CSGALNACT1: variants seen among roughly 807,000 people sequenced by gnomAD.
CSGALNACT1 encodes the protein chondroitin sulfate N-acetylgalactosaminyltransferase 1.
A neutral mutation model predicts 51.0 loss-of-function variants in CSGALNACT1; 52 were observed. The observed-to-expected ratio is 1.02, with a 90% CI of 0.82 to 1.29. The LOEUF (loss-of-function observed/expected upper bound fraction) is 1.29. CSGALNACT1 is among the 50% of genes most tolerant of loss of function. The probability of loss-of-function intolerance (pLI) is 0.00; values close to 1 mark genes in which losing one functional copy is unlikely to be tolerated. For synonymous variants in CSGALNACT1, 341 were observed against 254.4 expected (o/e 1.34, Z -3.24); for missense variants, 935 against 679.2 (o/e 1.38, Z -4.19).
In CSGALNACT1 at chr8:19,515,036, G is replaced by T. The variant is rs117414731; in HGVS notation, c.-296-8906C>A. 4.1e-4 allele frequency among the ~76,000 whole-genome samples: 63 copies of T among 152,184 alleles called. 1 individual carries two copies. The East Asian group carries it at 0.011, about 27-fold the overall frequency. On this transcript the variant is annotated intron_variant, in intron 3 of 9. Transcript: ENST00000454498. ...TGCATTACAAGTGTCCTTGGGGCAG[G>T]GCTCTTGCCACAACTGATTCCAGGT... is the stretch of plus-strand genomic sequence containing the variant.
chr8:19,541,893 ATCATGTCAAATATTGCTCC>A (rs1400903661), intron 3 of CSGALNACT1, among the ~76,000 whole-genome samples: 1 of 152,174 alleles, frequency 6.6e-6, no homozygotes, highest in Non-Finnish European at 1.5e-5. Context: ...TCCCTGTAGG[ATCATGTCAAATATTGCTCC>A]TGGCAGTTCT....
intron 4 of CSGALNACT1, among the ~76,000 whole-genome samples, chr8:19,483,476 C>T (rs2072009498): frequency 6.6e-6 from 1 of 152,210 alleles, no homozygotes; most frequent in Non-Finnish European, 1.5e-5. Context: ...GCTCTGCATA[C>T]CACCACTATT....
At chr8:19,423,854 A>T (rs1420381317) in intron 6 of CSGALNACT1, among the ~76,000 whole-genome samples, 1 of 152,188 alleles carries the variant, frequency 6.6e-6, no homozygotes, top group East Asian at 1.9e-4. Flanking sequence ...CTGAATATGC[A>T]TTTTGAATTC....
At chr8:19,500,002 T>A (rs930482898) in intron 4 of CSGALNACT1, among the ~76,000 whole-genome samples, 1 of 152,134 alleles carries the variant, frequency 6.6e-6, no homozygotes, top group Non-Finnish European at 1.5e-5. Flanking sequence ...TGCTTTTAAG[T>A]CTCTTATCTC....
At chr8:19,599,472 A>AAGAAAG (rs1554751245) in intron 2 of CSGALNACT1, among the ~76,000 whole-genome samples, 7 of 113,804 alleles carry the variant, frequency 6.2e-5, no homozygotes, top group African/African-American at 2.5e-4. Flanking sequence ...GAAAGAAAGA[A>AAGAAAG]AAAGAAAGAA....
At chr8:19,510,384 C>A (rs1156535331) in intron 3 of CSGALNACT1, among the ~76,000 whole-genome samples, 1 of 152,180 alleles carries the variant, frequency 6.6e-6, no homozygotes, top group Non-Finnish European at 1.5e-5. Context: ...GAAACAACCT[C>A]CAAATAACAC....
At chr8:19,502,662 A>C (rs1393380399) in intron 4 of CSGALNACT1, among the ~76,000 whole-genome samples, 1 of 152,182 alleles carries the variant, frequency 6.6e-6, no homozygotes, top group East Asian at 1.9e-4. Flanking sequence ...CCAAAACCTC[A>C]AATCACTCTA....
chr8:19,500,866 T>C (rs1473107025), intron 4 of CSGALNACT1, among the ~76,000 whole-genome samples: 3 of 152,072 alleles, frequency 2.0e-5, no homozygotes, highest in African/African-American at 7.2e-5. Flanking sequence ...GGCCGGGAAG[T>C]CCAAGATCAA....
intron 1 of CSGALNACT1, among the ~76,000 whole-genome samples, chr8:19,623,241 T>C (rs1261766261): frequency 2.0e-5 from 3 of 152,152 alleles, no homozygotes; most frequent in African/African-American, 7.2e-5. Context: ...ATGCATATAA[T>C]AACATGTCCT....
intron 1 of CSGALNACT1, among the ~76,000 whole-genome samples, chr8:19,693,590 C>A (rs2061439331): frequency 6.6e-6 from 1 of 152,176 alleles, no homozygotes; most frequent in Non-Finnish European, 1.5e-5. Context: ...CCAACTGACT[C>A]AGCTCCCTAT....
At chr8:19,747,805 G>A (rs1024789692) in intron 1 of CSGALNACT1, among the ~76,000 whole-genome samples, 2 of 149,746 alleles carry the variant, frequency 1.3e-5, no homozygotes, top group Non-Finnish European at 3.0e-5. Context: ...CCTCCAACTG[G>A]AGGAGAAGTA....
chr8:19,604,678 C>T (rs960410335), upstream of CSGALNACT1, among the ~76,000 whole-genome samples: 9 of 148,922 alleles, frequency 6.0e-5, no homozygotes, highest in Admixed American at 1.3e-4. Flanking sequence ...GAGGCCGAGG[C>T]GGGCAGATCA....
At chr8:19,579,931 A>G (rs1160531797) in intron 3 of CSGALNACT1, among the ~76,000 whole-genome samples, 1 of 152,230 alleles carries the variant, frequency 6.6e-6, no homozygotes, top group African/African-American at 2.4e-5. Context: ...GGGAAAGGAC[A>G]GAAAGGAGGA....
chr8:19,755,399 A>AT (rs896448943), intron 1 of CSGALNACT1, among the ~76,000 whole-genome samples: 1 of 140,200 alleles, frequency 7.1e-6, no homozygotes, highest in South Asian at 2.4e-4. Flanking sequence ...AATTTTTACA[A>AT]TTTTTTTTAA....
intron 1 of CSGALNACT1, among the ~76,000 whole-genome samples, chr8:19,669,786 C>T (rs375233220): frequency 1.8e-4 from 27 of 152,272 alleles, no homozygotes; most frequent in African/African-American, 6.3e-4. Flanking sequence ...TAAACCATGT[C>T]TTTCAGAAGC....
upstream of CSGALNACT1, among the ~76,000 whole-genome samples, chr8:19,686,012 G>A (rs2060955767): frequency 6.6e-6 from 1 of 152,198 alleles, no homozygotes; most frequent in Admixed American, 6.5e-5. Flanking sequence ...GGTGGACTGT[G>A]ACGTGTTCCT....
chr8:19,482,185 CG>C (rs2153925294), intron 4 of CSGALNACT1, among the ~76,000 whole-genome samples: 1 of 152,270 alleles, frequency 6.6e-6, no homozygotes, highest in South Asian at 2.1e-4. Context: ...ACAGAATGTT[CG>C]GTGATAATGG....
chr8:19,737,980 C>T (rs1191123658), intron 1 of CSGALNACT1, among the ~76,000 whole-genome samples: 12 of 152,102 alleles, frequency 7.9e-5, no homozygotes, highest in African/African-American at 2.4e-5. Flanking sequence ...GTGATAGTTG[C>T]ATAACATGAA....
chr8:19,432,977 G>C (rs2059862200), intron 6 of CSGALNACT1, among the ~76,000 whole-genome samples: 1 of 151,570 alleles, frequency 6.6e-6, no homozygotes, highest in East Asian at 1.9e-4. Context: ...TCGTGCATGA[G>C]CCTTAGTTTC....
Sources: gnomAD v4.1 joint callset for allele counts (sites outside exome capture counted in the v4.1 genomes callset) on GRCh38, gnomAD v4.1.1 for gene constraint, MANE v1.5 for transcripts, NCBI Gene and HGNC (gene_info 2026-07-23, HGNC 2026-07-21) for gene names.